Variants in ST6GAL2 observed in about 807,000 individuals in gnomAD.
ST6GAL2 encodes ST6 beta-galactoside alpha-2,6-sialyltransferase 2, also known as beta-galactoside alpha-2,6-sialyltransferase 2.
In ST6GAL2, 24 loss-of-function variants were observed where a neutral mutation model predicts 37.5. The observed-to-expected ratio is 0.64, with a 90% CI of 0.46 to 0.90. The LOEUF is 0.90. Among genes scored for constraint, ST6GAL2 ranks in the 40% least tolerant of loss-of-function variants. The probability of loss-of-function intolerance (pLI) is 0.00; values close to 1 mark genes in which losing one functional copy is unlikely to be tolerated. For missense variants in ST6GAL2, 715 were observed against 712.7 expected, an observed-to-expected ratio of 1.00 and a Z score of -0.04; for synonymous variants, 306 against 295.1, an observed-to-expected ratio of 1.04 and a Z score of -0.38.
intron 5 of ST6GAL2, among the ~76,000 whole-genome samples, chr2:106,824,257 A>T (rs1212080944): frequency 6.6e-6 from 1 of 152,262 alleles, no homozygotes; most frequent in African/African-American, 2.4e-5. Flanking sequence ...AACTGAGTTC[A>T]TTAGTAAAGC....
At chr2:106,836,773 C>CAAAAAAAAAAAAAAA (rs70956213) in intron 2 of ST6GAL2, among the ~76,000 whole-genome samples, 1 of 70,262 alleles carries the variant, frequency 1.4e-5, no homozygotes, top group Non-Finnish European at 2.6e-5. Flanking sequence ...ACTAAAAATA[C>CAAAAAAAAAAAAAAA]AAAAAAAAAA....
In ST6GAL2 at chr2:106,873,942, A is replaced by T. The variant is rs527634371; in HGVS notation, c.-58+12151T>A. Among the ~76,000 whole-genome samples, 9 of 152,304 alleles carry T rather than the reference A, an allele frequency of 5.9e-5. No individual in the cohort carries two copies. The South Asian group carries it at 1.9e-3, about 32-fold the overall frequency. ...CTATTCATGGAGATTCAACTTGAAG[A>T]AAGAGGGAAAAAATCCAACCTACTC... is the stretch of plus-strand genomic sequence containing the variant. On this transcript the variant is annotated intron_variant, in intron 1 of 5. Coordinates refer to ENST00000409382, the MANE Select transcript of ST6GAL2 (RefSeq NM_001142351.2).
At chr2:106,825,237 G>A (rs1188529096) in intron 5 of ST6GAL2, among the ~76,000 whole-genome samples, 1 of 152,214 alleles carries the variant, frequency 6.6e-6, no homozygotes. Flanking sequence ...CTTCCTCCTT[G>A]CTCTTTCTCA....
At chr2:106,858,202 GT>G (rs1393528372) in intron 1 of ST6GAL2, among the ~76,000 whole-genome samples, 1 of 152,136 alleles carries the variant, frequency 6.6e-6, no homozygotes, top group Non-Finnish European at 1.5e-5. Flanking sequence ...CTTTACTCAT[GT>G]TTTTTACTCA....
chr2:106,848,366 T>C (rs971239031), intron 1 of ST6GAL2, among the ~76,000 whole-genome samples: 4 of 152,236 alleles, frequency 2.6e-5, no homozygotes, highest in African/African-American at 9.6e-5. Context: ...TTTTTGTTTC[T>C]GACTGGTAGT....
chr2:106,842,606 A>C (rs576036369), intron 2 of ST6GAL2, among the ~76,000 whole-genome samples: 2 of 152,178 alleles, frequency 1.3e-5, no homozygotes, highest in South Asian at 4.1e-4. Flanking sequence ...TTCCCTTCCC[A>C]TATTCCCACT....
intron 1 of ST6GAL2, among the ~76,000 whole-genome samples, chr2:106,884,549 C>A (rs1281522406): frequency 8.5e-5 from 13 of 152,094 alleles, no homozygotes; most frequent in Admixed American, 8.5e-4. Context: ...ATCACAATCT[C>A]TACAAGACAT....
In ST6GAL2 at chr2:106,882,879, C is replaced by G. The variant is rs184285537; in HGVS notation, c.-58+3214G>C. On this transcript the variant is annotated intron_variant, in intron 1 of 5. Coordinates refer to ENST00000409382, the MANE Select transcript of ST6GAL2 (RefSeq NM_001142351.2). ...CCAGGATGGCACAGAACAGTTCCGTCCAGATAGAAGTCCTCCGCAGTGGGC... is the reference window on the plus strand; with the variant it reads ...CCAGGATGGCACAGAACAGTTCCGTGCAGATAGAAGTCCTCCGCAGTGGGC... Among the ~76,000 whole-genome samples, 259 of 152,350 alleles carry G rather than the reference C, an allele frequency of 1.7e-3. 4 individuals carry two copies. In the South Asian group the frequency reaches 0.026, roughly 15 times the overall value.
chr2:106,877,824 T>C (rs533068274), intron 1 of ST6GAL2, among the ~76,000 whole-genome samples: 1 of 152,332 alleles, frequency 6.6e-6, no homozygotes, highest in South Asian at 2.1e-4. Context: ...CAAATCTGAA[T>C]GTTACTTAAA....
rs1675270358 is a variant in ST6GAL2, at chr2:106,801,777, A to C, written c.*4901T>G. On this transcript the variant is annotated 3_prime_UTR_variant, in exon 6 of 6. Transcript: ENST00000409382. ...AATTAGTTTGAAGAGTACACATTTC[A>C]TTTTAAAAATTATCATACAAAAGAA... 6.6e-6 allele frequency: 1 copy of C among 152,240 alleles called. No individual in the cohort carries two copies. Among genetic ancestry groups the C allele is most frequent in the Non-Finnish European group, 1.5e-5 (1 of 68,038 alleles). 9.4% of individuals were successfully genotyped at this position (152,240 alleles called of 1,614,324 possible).
intron 5 of ST6GAL2, among the ~76,000 whole-genome samples, chr2:106,820,406 G>C (rs1478551473): frequency 6.6e-6 from 1 of 152,016 alleles, no homozygotes; most frequent in Non-Finnish European, 1.5e-5. Flanking sequence ...TAATGATAAA[G>C]GGGTCAATTT....
intron 1 of ST6GAL2, among the ~76,000 whole-genome samples, chr2:106,865,730 A>G (rs1678000087): frequency 6.6e-6 from 1 of 152,164 alleles, no homozygotes; most frequent in African/African-American, 2.4e-5. Context: ...GACACAAGGA[A>G]ACAAAGGTAC....
chr2:106,840,722 G>A (rs1276940057), intron 2 of ST6GAL2, among the ~76,000 whole-genome samples: 1 of 152,110 alleles, frequency 6.6e-6, no homozygotes, highest in African/African-American at 2.4e-5. Flanking sequence ...CGTCTTTCAC[G>A]TTCTCTTCCA....
At chr2:106,854,547 T>C (rs1177567323) in intron 1 of ST6GAL2, among the ~76,000 whole-genome samples, 2 of 152,206 alleles carry the variant, frequency 1.3e-5, no homozygotes, top group African/African-American at 4.8e-5. Context: ...ATCTATTACA[T>C]ACAGTAATTT....
In ST6GAL2 at chr2:106,804,149, A is replaced by T. The variant is rs1241915500; in HGVS notation, c.*2529T>A. ...AAAATTGTAACTAAATTTCCTTTGT[A>T]CTCTTCAGTCTTTCTTGTAACCTCA... On this transcript the variant is annotated 3_prime_UTR_variant, in exon 6 of 6. Coordinates refer to ENST00000409382, the MANE Select transcript of ST6GAL2 (RefSeq NM_001142351.2). 2 of 152,152 alleles carry T rather than the reference A, an allele frequency of 1.3e-5. No homozygotes were observed. The highest frequency in any genetic ancestry group is 2.9e-5 in the Non-Finnish European group (2 of 68,024). The allele number at this position is 152,152 out of a possible 1,614,324, so 9.4% of individuals were successfully genotyped here. A position where few individuals can be genotyped will look rare whatever the true frequency, so the allele number is the denominator to read the frequency against.
intron 2 of ST6GAL2, among the ~76,000 whole-genome samples, chr2:106,835,710 G>C (rs1210957089): frequency 6.6e-6 from 1 of 152,172 alleles, no homozygotes; most frequent in African/African-American, 2.4e-5. Flanking sequence ...TTGAGTTGTT[G>C]AGACAGAGAC....
intron 5 of ST6GAL2, 106 bp from the exon 6 acceptor site, chr2:106,807,055 CACTT>C (rs1675441341): frequency 2.1e-6 from 2 of 940,454 alleles, no homozygotes; most frequent in Non-Finnish European, 3.1e-6. Flanking sequence ...TGGCAAGAGA[CACTT>C]ACTTTTTTGT....
intron 5 of ST6GAL2, among the ~76,000 whole-genome samples, chr2:106,821,774 A>T (rs985228172): frequency 2.0e-5 from 3 of 152,148 alleles, no homozygotes; most frequent in African/African-American, 7.2e-5. Flanking sequence ...ATAAAATACT[A>T]GTAAATTGAA....
intron 1 of ST6GAL2, among the ~76,000 whole-genome samples, chr2:106,865,584 T>C (rs1038690838): frequency 2.6e-5 from 4 of 152,196 alleles, no homozygotes; most frequent in African/African-American, 9.7e-5. Context: ...ACCTCTTCTC[T>C]CCATCTCATC....
Sources: gnomAD v4.1 joint callset for allele counts (sites outside exome capture counted in the v4.1 genomes callset) on GRCh38, gnomAD v4.1.1 for gene constraint, MANE v1.5 for transcripts, NCBI Gene and HGNC (gene_info 2026-07-23, HGNC 2026-07-21) for gene names.